The following GRM8 variants were observed in gnomAD, a reference collection of about 807,000 sequenced individuals.
The protein encoded by GRM8 is metabotropic glutamate receptor 8.
Under a neutral mutation model 87.2 loss-of-function variants are expected in GRM8, and 47 were observed. That is an observed-to-expected ratio of 0.54 (90% CI 0.43 to 0.69). GRM8 has a LOEUF of 0.69. Ranked by LOEUF, GRM8 falls within the 30% of genes least tolerant of loss-of-function variation. The pLI is 0.00. For synonymous variants in GRM8, 396 were observed against 404.5 expected (o/e 0.98, Z 0.25); for missense variants, 1,019 against 1,139.2 (o/e 0.89, Z 1.52).
chr7:126,826,247 G>A (rs1157320270), intron 6 of GRM8, among the ~76,000 whole-genome samples: 6 of 152,010 alleles, frequency 3.9e-5, no homozygotes, highest in Non-Finnish European at 7.4e-5. Context: ...GTAATGGGAT[G>A]GCTGGGTCAA....
chr7:126,699,758 A>G (rs1338521661), intron 7 of GRM8, among the ~76,000 whole-genome samples: 1 of 152,162 alleles, frequency 6.6e-6, no homozygotes, highest in Non-Finnish European at 1.5e-5. Flanking sequence ...CTCCAGATAA[A>G]GAGACAGAGT....
chr7:126,606,971 C>T (rs944532222), intron 8 of GRM8, among the ~76,000 whole-genome samples: 1 of 152,206 alleles, frequency 6.6e-6, no homozygotes, highest in African/African-American at 2.4e-5. Context: ...TTCTCAAACA[C>T]TGGATTTTGC....
intron 2 of GRM8, among the ~76,000 whole-genome samples, chr7:127,128,621 T>C (rs1587093299): frequency 6.6e-6 from 1 of 152,318 alleles, no homozygotes; most frequent in Non-Finnish European, 1.5e-5. Flanking sequence ...AACTATCTTA[T>C]AAAGCAGATA....
chr7:126,732,897 C>T (rs1021200100), intron 7 of GRM8, among the ~76,000 whole-genome samples: 18 of 152,126 alleles, frequency 1.2e-4, no homozygotes, highest in African/African-American at 2.7e-4. Flanking sequence ...GTTTAGGTCA[C>T]GGTTGCCCAA....
intron 3 of GRM8, among the ~76,000 whole-genome samples, chr7:127,102,043 T>C (rs1825328753): frequency 6.6e-6 from 1 of 152,368 alleles, no homozygotes; most frequent in South Asian, 2.1e-4. Flanking sequence ...ATAACTTGGA[T>C]GCACTATGTC....
chr7:126,591,277 A>T (rs890250294), intron 8 of GRM8, among the ~76,000 whole-genome samples: 1 of 152,144 alleles, frequency 6.6e-6, no homozygotes, highest in East Asian at 1.9e-4. Flanking sequence ...TAAAAAAGAC[A>T]AAGAGGGACA....
chr7:126,617,251 T>C (rs12535139), intron 7 of GRM8, among the ~76,000 whole-genome samples: 2,009 of 152,274 alleles, frequency 0.013, 21 homozygotes, highest in Middle Eastern at 0.024. Flanking sequence ...TAATCCAGCA[T>C]ATAAACAGAA....
chr7:126,806,448 T>C (rs766447026), intron 6 of GRM8, among the ~76,000 whole-genome samples: 1 of 152,334 alleles, frequency 6.6e-6, no homozygotes, highest in African/African-American at 2.4e-5. Context: ...AGGACCCGAG[T>C]GCATTGTGGC....
intron 8 of GRM8, among the ~76,000 whole-genome samples, chr7:126,567,082 A>G (rs1794281400): frequency 6.6e-6 from 1 of 152,162 alleles, no homozygotes; most frequent in East Asian, 1.9e-4. Context: ...TTGCCAGGGA[A>G]TGGGGGCAGG....
Position 127,233,018 on chromosome 7 carries a change from G to A in GRM8, c.510+9677C>T, listed in dbSNP as rs185827681. Among the ~76,000 whole-genome samples, 3 of 152,110 alleles carry A rather than the reference G, an allele frequency of 2.0e-5. No individual in the cohort carries two copies. In the East Asian group the frequency reaches 5.8e-4, roughly 30 times the overall value. ...ATGCCCAGCTAATTTTGTATTTAGA[G>A]ACGGGGTTTCACCATGTTTGTCAGG... On this transcript the variant is annotated intron_variant, in intron 2 of 10. Coordinates refer to ENST00000339582, the MANE Select transcript of GRM8 (RefSeq NM_000845.3).
chr7:126,504,052 C>T (rs1810048769), intron 9 of GRM8, among the ~76,000 whole-genome samples: 1 of 152,010 alleles, frequency 6.6e-6, no homozygotes, highest in Non-Finnish European at 1.5e-5. Flanking sequence ...CCTTCACTAA[C>T]AGTCTATCTT....
chr7:127,092,493 T>A lies in GRM8; in HGVS notation c.727+14003A>T, dbSNP rs566890791. On this transcript the variant is annotated intron_variant, in intron 3 of 10. Transcript: ENST00000339582. ...GGTGGATCTCTTGAGGCCAGGAGTT[T>A]GAGATGAGCCTGGGTAACGTGGTGA... 9.9e-5 allele frequency among the ~76,000 whole-genome samples: 15 copies of A among 152,236 alleles called. No homozygotes were observed. In the South Asian group the frequency reaches 3.1e-3, roughly 32 times the overall value.
chr7:126,665,516 T>C (rs1319729560), intron 7 of GRM8, among the ~76,000 whole-genome samples: 1 of 152,112 alleles, frequency 6.6e-6, no homozygotes, highest in African/African-American at 2.4e-5. Context: ...AACCACATAC[T>C]GCATGTTCTC....
At chr7:126,457,331 A>G (rs1803375106) in intron 9 of GRM8, among the ~76,000 whole-genome samples, 1 of 151,570 alleles carries the variant, frequency 6.6e-6, no homozygotes, top group Non-Finnish European at 1.5e-5. Flanking sequence ...CTAGAAAGAA[A>G]GGAGAGATAT....
At chr7:127,161,202 T>C (rs908413189) in intron 2 of GRM8, among the ~76,000 whole-genome samples, 3 of 152,158 alleles carry the variant, frequency 2.0e-5, no homozygotes, top group African/African-American at 4.8e-5. Context: ...AACTACATAA[T>C]GTTCCTGTCT....
At chr7:126,941,204 T>C (rs1563337110) in intron 3 of GRM8, among the ~76,000 whole-genome samples, 1 of 152,066 alleles carries the variant, frequency 6.6e-6, no homozygotes, top group East Asian at 1.9e-4. Flanking sequence ...CCAGTGGACG[T>C]TTTCAATCTC....
At chr7:127,160,940 A>G (rs1793072922) in intron 2 of GRM8, among the ~76,000 whole-genome samples, 2 of 152,154 alleles carry the variant, frequency 1.3e-5, no homozygotes, top group Non-Finnish European at 2.9e-5. Flanking sequence ...GCAGAGCCTG[A>G]GTGGTCTTTT....
chr7:127,125,369 A>G (rs1587085451), intron 2 of GRM8, among the ~76,000 whole-genome samples: 1 of 152,166 alleles, frequency 6.6e-6, no homozygotes, highest in Non-Finnish European at 1.5e-5. Context: ...TAACTTCTCA[A>G]CAAATGGTGC....
chr7:126,652,486 G>A (rs1404688956), intron 7 of GRM8, among the ~76,000 whole-genome samples: 1 of 152,174 alleles, frequency 6.6e-6, no homozygotes, highest in Admixed American at 6.5e-5. Context: ...ACTGGGAAAG[G>A]CAGACCTACC....
Sources: allele counts gnomAD v4.1 joint callset (sites outside exome capture counted in the v4.1 genomes callset), GRCh38; gene constraint gnomAD v4.1.1; transcripts MANE v1.5; gene names NCBI Gene and HGNC (gene_info 2026-07-23, HGNC 2026-07-21).